Variants in DENND1A observed in about 807,000 individuals in gnomAD.
DENND1A encodes the protein DENN domain-containing protein 1A.
DENND1A carries 51 observed loss-of-function variants against 113.7 expected under a neutral mutation model. The observed-to-expected ratio is 0.45, with a 90% CI of 0.36 to 0.57. The LOEUF (loss-of-function observed/expected upper bound fraction) is 0.57. Among genes scored for constraint, DENND1A ranks in the 20% least tolerant of loss-of-function variants. The pLI is 0.00. For synonymous variants in DENND1A, 565 were observed against 570.8 expected (o/e 0.99, Z 0.14); for missense variants, 1,258 against 1,395.9 (o/e 0.90, Z 1.57).
At chr9:123,434,323 G>A (rs1013105814) in intron 19 of DENND1A, among the ~76,000 whole-genome samples, 4 of 152,176 alleles carry the variant, frequency 2.6e-5, no homozygotes, top group Non-Finnish European at 4.4e-5. Context: ...CACCATGCCC[G>A]GCCTCACTTC....
intron 20 of DENND1A, among the ~76,000 whole-genome samples, chr9:123,403,808 A>G (rs550545814): frequency 6.6e-6 from 1 of 152,306 alleles, no homozygotes; most frequent in South Asian, 2.1e-4. Flanking sequence ...TGATGTCTAC[A>G]TAGGACCCGG....
In DENND1A at chr9:123,728,479, C is replaced by CAAAAAAAAAAAAAAAAAAAAAA. The variant is rs60761810; in HGVS notation, c.302+29202_302+29223dup. On this transcript the variant is annotated intron_variant, in intron 5 of 23. Coordinates refer to ENST00000394215, the MANE Select transcript of DENND1A (RefSeq NM_001352964.2). Reference sequence around the variant, plus strand: ...GCAACAATTGCAAAACTCTGTCTCCCAAAAAAAAAAAAAAAAAAAAAAAAA... The same window carrying CAAAAAAAAAAAAAAAAAAAAAA: ...GCAACAATTGCAAAACTCTGTCTCCCAAAAAAAAAAAAAAAAAAAAAAAAAAAAAAAAAAAAAAAAAAAAAAA... 1.7e-3 allele frequency among the ~76,000 whole-genome samples: 44 copies of CAAAAAAAAAAAAAAAAAAAAAA among 25,196 alleles called. 9 individuals are homozygous for CAAAAAAAAAAAAAAAAAAAAAA. Among genetic ancestry groups the CAAAAAAAAAAAAAAAAAAAAAA allele is most frequent in the Admixed American group, 5.1e-3 (7 of 1,360 alleles). 16.5% of individuals were successfully genotyped at this position (25,196 alleles called of 152,430 possible).
intron 1 of DENND1A, among the ~76,000 whole-genome samples, chr9:123,903,248 C>T (rs1350852371): frequency 3.7e-5 from 5 of 134,726 alleles, no homozygotes; most frequent in East Asian, 2.4e-4. Flanking sequence ...AGGAGAATGG[C>T]GTGAACCCGG....
At chr9:123,577,153 T>C (rs1242871503) in intron 12 of DENND1A, among the ~76,000 whole-genome samples, 1 of 152,214 alleles carries the variant, frequency 6.6e-6, no homozygotes, top group Non-Finnish European at 1.5e-5. Flanking sequence ...ATCACTGAGT[T>C]TTGTTAACTT....
intron 12 of DENND1A, among the ~76,000 whole-genome samples, chr9:123,574,262 C>T (rs1376920798): frequency 6.9e-6 from 1 of 144,246 alleles, no homozygotes; most frequent in Admixed American, 7.1e-5. Flanking sequence ...GAGACATCTT[C>T]CTTTTACTTC....
chr9:123,550,384 A>G (rs982484268), intron 13 of DENND1A, among the ~76,000 whole-genome samples: 2 of 151,472 alleles, frequency 1.3e-5, no homozygotes, highest in Non-Finnish European at 2.9e-5. Context: ...AGCTAGCTGA[A>G]TAAACAGCTC....
chr9:123,551,989 G>A (rs1190027824), intron 13 of DENND1A, among the ~76,000 whole-genome samples: 1 of 148,340 alleles, frequency 6.7e-6, no homozygotes, highest in Non-Finnish European at 1.5e-5. Flanking sequence ...AAGAGAGAGA[G>A]AGCGAGAGAG....
At chr9:123,616,899 C>T (rs2060678718) in intron 10 of DENND1A, among the ~76,000 whole-genome samples, 1 of 152,232 alleles carries the variant, frequency 6.6e-6, no homozygotes, top group Non-Finnish European at 1.5e-5. Flanking sequence ...CAGTTAATGG[C>T]AGATCAAATA....
At chr9:123,676,868 ACATT>A in intron 5 of DENND1A, 79 bp from the exon 6 acceptor site, 2 of 1,364,806 alleles carry the variant, frequency 1.5e-6, no homozygotes, top group Non-Finnish European at 2.1e-6. Context: ...CAAGACTGAT[ACATT>A]TCAGTTTTGC....
intron 11 of DENND1A, among the ~76,000 whole-genome samples, chr9:123,601,056 T>C (rs1011920422): frequency 6.6e-6 from 1 of 152,222 alleles, no homozygotes; most frequent in African/African-American, 2.4e-5. Flanking sequence ...TTAACATTGC[T>C]AAATGCAACC....
Position 123,695,601 on chromosome 9 carries a change from G to A in DENND1A, c.303-18812C>T, listed in dbSNP as rs572615840. 3.9e-4 allele frequency among the ~76,000 whole-genome samples: 59 copies of A among 152,156 alleles called. No individual in the cohort carries two copies. The South Asian group carries it at 0.012, about 30-fold the overall frequency. On this transcript the variant is annotated intron_variant, in intron 5 of 23. Transcript: ENST00000394215. ...CTGTGAGGTCCTTTGCTGGGTCCTG[G>A]GGCTAACAGGCGATTCTGATACAAT...
At chr9:123,908,780 G>T (rs535028900) in intron 1 of DENND1A, among the ~76,000 whole-genome samples, 1 of 152,154 alleles carries the variant, frequency 6.6e-6, no homozygotes, top group Non-Finnish European at 1.5e-5. Flanking sequence ...CATTGTGGAA[G>T]TCAGTGTGGA....
intron 2 of DENND1A, among the ~76,000 whole-genome samples, chr9:123,847,252 CA>C (rs1281447038): frequency 2.6e-5 from 4 of 151,336 alleles, no homozygotes; most frequent in South Asian, 4.2e-4. Flanking sequence ...AGATTGAAAA[CA>C]CACAAAAAAA....
chr9:123,862,151 C>T (rs1369274138), intron 2 of DENND1A, among the ~76,000 whole-genome samples: 1 of 152,078 alleles, frequency 6.6e-6, no homozygotes, highest in Admixed American at 6.5e-5. Flanking sequence ...ACACTAGCTC[C>T]AACAAGAGTT....
intron 5 of DENND1A, among the ~76,000 whole-genome samples, chr9:123,755,193 G>A (rs921947416): frequency 6.7e-6 from 1 of 150,264 alleles, no homozygotes. Context: ...CATGATCTCA[G>A]CTCACTGCAA....
At chr9:123,753,586 A>G (rs1018880259) in intron 5 of DENND1A, among the ~76,000 whole-genome samples, 4 of 152,206 alleles carry the variant, frequency 2.6e-5, no homozygotes, top group African/African-American at 7.2e-5. Context: ...ACGTCCCATG[A>G]CACCTGTCCT....
At chr9:123,558,082 A>C (rs1212646365) in intron 12 of DENND1A, among the ~76,000 whole-genome samples, 2 of 152,264 alleles carry the variant, frequency 1.3e-5, no homozygotes, top group East Asian at 3.8e-4. Context: ...AAACAAAAAC[A>C]ATTTTTAATG....
intron 11 of DENND1A, among the ~76,000 whole-genome samples, chr9:123,590,323 A>G (rs2059397182): frequency 6.6e-6 from 1 of 152,158 alleles, no homozygotes; most frequent in South Asian, 2.1e-4. Context: ...TCCTACTCCA[A>G]TATTTGCCCA....
intron 5 of DENND1A, among the ~76,000 whole-genome samples, chr9:123,690,797 C>T (rs1813285720): frequency 6.6e-6 from 1 of 152,232 alleles, no homozygotes; most frequent in African/African-American, 2.4e-5. Flanking sequence ...AATGAAGATG[C>T]AACAGCCCTC....
Sources: gnomAD v4.1 joint callset for allele counts (sites outside exome capture counted in the v4.1 genomes callset) on GRCh38, gnomAD v4.1.1 for gene constraint, MANE v1.5 for transcripts, NCBI Gene and HGNC (gene_info 2026-07-23, HGNC 2026-07-21) for gene names.